CRTC1: variants seen among roughly 807,000 people sequenced by gnomAD.
CRTC1 encodes CREB-regulated transcription coactivator 1.
In CRTC1, 18 loss-of-function variants were observed where a neutral mutation model predicts 66.1. The observed-to-expected ratio is 0.27, with a 90% CI of 0.19 to 0.40. CRTC1 has a LOEUF of 0.40. Ranked by LOEUF, CRTC1 falls within the 10% of genes least tolerant of loss-of-function variation. The pLI, the probability that CRTC1 is intolerant of heterozygous loss-of-function variation, is 1.00. For missense variants in CRTC1, 669 were observed against 887.9 expected (o/e 0.75, Z 3.13); for synonymous variants, 416 against 398.8 (o/e 1.04, Z -0.51).
At chr19:18,719,876 G>T (rs1476153797) in intron 1 of CRTC1, among the ~76,000 whole-genome samples, 2 of 152,220 alleles carry the variant, frequency 1.3e-5, no homozygotes, top group African/African-American at 4.8e-5. Context: ...TTCAAGATGG[G>T]CACAGGCCCG....
intron 1 of CRTC1, among the ~76,000 whole-genome samples, chr19:18,721,217 G>C (rs1439742993): frequency 2.1e-5 from 3 of 141,014 alleles, no homozygotes; most frequent in Non-Finnish European, 4.5e-5. Flanking sequence ...TTTTTGAGAC[G>C]GAGTCTCGCT....
In CRTC1 at chr19:18,778,122, G is replaced by A. The variant is rs1488985215; in HGVS notation, c.*740G>A. The A allele has an allele frequency of 8.6e-6, 2 of 232,828 alleles. No individual in the cohort carries two copies. Among genetic ancestry groups the A allele is most frequent in the African/African-American group, 2.2e-5 (1 of 45,290 alleles). The allele number at this position is 232,828 out of a possible 1,614,324, so 14.4% of individuals were successfully genotyped here. A position where few individuals can be genotyped will look rare whatever the true frequency, so the allele number is the denominator to read the frequency against. On this transcript the variant is annotated 3_prime_UTR_variant, in exon 14 of 14. Transcript: ENST00000321949. Reference sequence around the variant, plus strand: ...AGGCCCATCGGTGGCCACCTTTGCCGGGAAGTGACCGGAAGGCCCCGTGAG... The same window carrying A: ...AGGCCCATCGGTGGCCACCTTTGCCAGGAAGTGACCGGAAGGCCCCGTGAG...
intron 1 of CRTC1, among the ~76,000 whole-genome samples, chr19:18,714,767 TTGA>T (rs774643636): frequency 7.9e-5 from 12 of 152,310 alleles, no homozygotes; most frequent in Non-Finnish European, 1.6e-4. Context: ...CCCCCAAATG[TTGA>T]TGACCCCCGG....
At chr19:18,692,614 A>C (rs1433020467) in intron 1 of CRTC1, among the ~76,000 whole-genome samples, 1 of 151,556 alleles carries the variant, frequency 6.6e-6, no homozygotes, top group Non-Finnish European at 1.5e-5. Context: ...AAAAAAAAAA[A>C]AAAGAAGTGG....
intron 8 of CRTC1, among the ~76,000 whole-genome samples, chr19:18,761,242 C>T (rs551794390): frequency 3.3e-5 from 5 of 152,366 alleles, no homozygotes; most frequent in South Asian, 2.1e-4. Context: ...CCCTGGCCCA[C>T]GTTGCTGCTC....
chr19:18,706,158 G>A (rs1053340285), intron 1 of CRTC1, among the ~76,000 whole-genome samples: 1 of 84,966 alleles, frequency 1.2e-5, no homozygotes, highest in African/African-American at 4.8e-5. Flanking sequence ...TTTATTTCTG[G>A]GCTTTCTATT....
intron 4 of CRTC1, among the ~76,000 whole-genome samples, chr19:18,748,870 A>G (rs11085244): frequency 0.77 from 117,599 of 152,020 alleles, 46,069 homozygotes; most frequent in East Asian, 1. Flanking sequence ...CCCTGTTCCC[A>G]CCATCACATT....
At chr19:18,751,126 C>A (rs780995062) in intron 5 of CRTC1, among the ~76,000 whole-genome samples, 3 of 152,164 alleles carry the variant, frequency 2.0e-5, no homozygotes, top group Non-Finnish European at 4.4e-5. Context: ...TGCCTCCTCG[C>A]AGCCTGGCTT....
At position 18,779,997 on chromosome 19, in the gene CRTC1, G is replaced by T. The variant is rs890803986; in HGVS notation, c.*2615G>T. 4 of 229,020 alleles carry T rather than the reference G, an allele frequency of 1.7e-5. No individual in the cohort carries two copies. Among genetic ancestry groups the T allele is most frequent in the African/African-American group, 4.4e-5 (2 of 45,024 alleles). 14.2% of individuals were successfully genotyped at this position (229,020 alleles called of 1,614,324 possible). A position where few individuals can be genotyped will look rare whatever the true frequency, so the allele number is the denominator to read the frequency against. On this transcript the variant is annotated 3_prime_UTR_variant, in exon 14 of 14. Coordinates refer to ENST00000321949, the MANE Select transcript of CRTC1 (RefSeq NM_015321.3). ...GGCCTTTTGTGTGTGCGTACGTGTG[G>T]TTTTTTTAAATATCACTACTACATA...
rs1455901172 is a variant in CRTC1, at chr19:18,768,389, C to T, written c.1012-96C>T. 3.9e-6 allele frequency: 4 copies of T among 1,028,656 alleles called. No homozygotes were observed. In the East Asian group the frequency reaches 7.8e-5, roughly 20 times the overall value. 63.7% of individuals were successfully genotyped at this position (1,028,656 alleles called of 1,614,324 possible). ...GCTGCCTGTGATCACAGGGCCCTTC[C>T]ACCTCGCCTGCTGAGCATGCCAGGC... On this transcript the variant is annotated intron_variant, in intron 9 of 13. Coordinates refer to ENST00000321949, the MANE Select transcript of CRTC1 (RefSeq NM_015321.3). This position sits in a 1 kb window ranked among gnomAD's most constrained non-coding sequence, Gnocchi z 5.6.
chr19:18,769,282 C>T (rs1218151762), intron 10 of CRTC1, among the ~76,000 whole-genome samples: 1 of 152,238 alleles, frequency 6.6e-6, no homozygotes, highest in African/African-American at 2.4e-5. Flanking sequence ...GACTTTTCTG[C>T]CTAGGGCCGG....
intron 1 of CRTC1, among the ~76,000 whole-genome samples, chr19:18,715,643 G>C (rs1357654094): frequency 6.6e-6 from 1 of 152,236 alleles, no homozygotes; most frequent in African/African-American, 2.4e-5. Flanking sequence ...TGGCCCCGGG[G>C]ACGGGCCTGT....
chr19:18,752,750 G>T (rs549143031), intron 5 of CRTC1, among the ~76,000 whole-genome samples: 1 of 151,300 alleles, frequency 6.6e-6, no homozygotes, highest in Admixed American at 6.6e-5. Context: ...AAGCAATTCT[G>T]CCTCAGCCTC....
At chr19:18,774,649 G>C (rs1243410079) in intron 11 of CRTC1, among the ~76,000 whole-genome samples, 2 of 152,178 alleles carry the variant, frequency 1.3e-5, no homozygotes, top group African/African-American at 2.4e-5. Context: ...ACCCAGGCTT[G>C]AGGAGAGGAG....
chr19:18,720,792 G>C (rs1252851752), intron 1 of CRTC1, among the ~76,000 whole-genome samples: 1 of 152,092 alleles, frequency 6.6e-6, no homozygotes, highest in Non-Finnish European at 1.5e-5. Flanking sequence ...GTGAGCTGCT[G>C]CACCCGGCTG....
At position 18,778,225 on chromosome 19, in the gene CRTC1, G is replaced by A. The variant is rs765531216; in HGVS notation, c.*843G>A. 7 of 232,900 alleles carry A rather than the reference G, an allele frequency of 3.0e-5. No homozygotes were observed. The highest frequency in any genetic ancestry group is 5.1e-5 in the Non-Finnish European group (6 of 117,862). The allele number at this position is 232,900 out of a possible 1,614,324, so 14.4% of individuals were successfully genotyped here. ...CCTCCTGTCCTGCACTGTGGTCACC[G>A]GTCCTGTCATAGATGCTGTTAATTT... On this transcript the variant is annotated 3_prime_UTR_variant, in exon 14 of 14. Coordinates refer to ENST00000321949, the MANE Select transcript of CRTC1 (RefSeq NM_015321.3).
At chr19:18,701,708 C>A (rs935574279) in intron 1 of CRTC1, among the ~76,000 whole-genome samples, 2 of 152,120 alleles carry the variant, frequency 1.3e-5, no homozygotes, top group Non-Finnish European at 2.9e-5. Flanking sequence ...TGGGTTCAAG[C>A]GATTCTCCTA....
At chr19:18,701,067 C>T (rs2053124655) in intron 1 of CRTC1, among the ~76,000 whole-genome samples, 1 of 152,188 alleles carries the variant, frequency 6.6e-6, no homozygotes, top group Non-Finnish European at 1.5e-5. Flanking sequence ...TTTATGGTCC[C>T]AACAGCCTAT....
chr19:18,695,297 G>A (rs541718808), intron 1 of CRTC1, among the ~76,000 whole-genome samples: 66 of 152,234 alleles, frequency 4.3e-4, no homozygotes, highest in Non-Finnish European at 5.6e-4. Context: ...GAGCCACTGC[G>A]CCCGGCCTGG....
Sources: allele counts gnomAD v4.1 joint callset (sites outside exome capture counted in the v4.1 genomes callset), GRCh38; gene constraint gnomAD v4.1.1; non-coding constraint Gnocchi (gnomAD v3.1); transcripts MANE v1.5; gene names NCBI Gene and HGNC (gene_info 2026-07-23, HGNC 2026-07-21).